PSD2: variants seen among roughly 807,000 people sequenced by gnomAD.
PSD2 encodes the protein pleckstrin and Sec7 domain containing 2.
A neutral mutation model predicts 69.8 loss-of-function variants in PSD2; 38 were observed. That is an observed-to-expected ratio of 0.54 (90% confidence interval 0.42 to 0.71). The LOEUF (loss-of-function observed/expected upper bound fraction) is 0.71. Among genes scored for constraint, PSD2 ranks in the 30% least tolerant of loss-of-function variants. The pLI is 0.00. For synonymous variants in PSD2, 412 were observed against 423.0 expected (o/e 0.97, Z 0.32); for missense variants, 943 against 1,014.5 (o/e 0.93, Z 0.96).
chr5:139,806,866 C>A (rs1759821674), intron 1 of PSD2, among the ~76,000 whole-genome samples: 2 of 152,204 alleles, frequency 1.3e-5, no homozygotes, highest in African/African-American at 4.8e-5. Context: ...ACTCTGGGCC[C>A]CCCGCCCAGA....
At chr5:139,838,139 G>A (rs942656691) in intron 12 of PSD2, among the ~76,000 whole-genome samples, 9 of 152,360 alleles carry the variant, frequency 5.9e-5, no homozygotes, top group Admixed American at 5.2e-4. Flanking sequence ...GCACCCTCCA[G>A]GTAACCTGTA....
chr5:139,816,625 T>C (rs2126943306), intron 4 of PSD2, among the ~76,000 whole-genome samples: 1 of 152,388 alleles, frequency 6.6e-6, no homozygotes, highest in South Asian at 2.1e-4. Flanking sequence ...AAATTTGTTC[T>C]AGTTTTTGAC....
chr5:139,783,738 G>A, the PSD2 span, among the ~76,000 whole-genome samples: 1 of 152,054 alleles, frequency 6.6e-6, no homozygotes, highest in African/African-American at 2.4e-5. Context: ...TGGCCTCCAT[G>A]CTGCTAAAGC....
At chr5:139,831,574 T>C (rs1459978880) in intron 7 of PSD2, among the ~76,000 whole-genome samples, 2 of 152,214 alleles carry the variant, frequency 1.3e-5, no homozygotes, top group African/African-American at 4.8e-5. Context: ...TGGTTGGCAA[T>C]TTGCATTCTT....
At chr5:139,784,921 A>G in the PSD2 span, among the ~76,000 whole-genome samples, 1 of 150,466 alleles carries the variant, frequency 6.6e-6, no homozygotes, top group Non-Finnish European at 1.5e-5. Context: ...CGCCTGGCTA[A>G]TTTTTTTTTG....
chr5:139,810,772 G>C (rs980372564), intron 2 of PSD2, among the ~76,000 whole-genome samples: 1 of 152,210 alleles, frequency 6.6e-6, no homozygotes, highest in Admixed American at 6.5e-5. Flanking sequence ...GCAGGGCCTA[G>C]GGCAGCCCCA....
chr5:139,745,424 A>G, the PSD2 span, among the ~76,000 whole-genome samples: 1 of 152,240 alleles, frequency 6.6e-6, no homozygotes, highest in Non-Finnish European at 1.5e-5. Context: ...CCAAGTCCTG[A>G]GTCATCTATG....
the PSD2 span, among the ~76,000 whole-genome samples, chr5:139,754,606 A>T: frequency 6.6e-6 from 1 of 152,130 alleles, no homozygotes; most frequent in Admixed American, 6.5e-5. Flanking sequence ...CTGAGGTGGG[A>T]GGATTGCTTG....
intron 4 of PSD2, among the ~76,000 whole-genome samples, chr5:139,817,118 C>A (rs535168589): frequency 1.3e-5 from 2 of 152,238 alleles, no homozygotes; most frequent in Non-Finnish European, 2.9e-5. Context: ...CCCCTGGTCC[C>A]GGCCTCATCA....
intron 1 of PSD2, among the ~76,000 whole-genome samples, chr5:139,805,706 T>C (rs912797667): frequency 2.8e-4 from 43 of 151,112 alleles, no homozygotes; most frequent in Non-Finnish European, 1.3e-4. Context: ...GAAAGAGCAT[T>C]CTAGGCCACG....
intron 6 of PSD2, among the ~76,000 whole-genome samples, 170 bp from the exon 7 acceptor site, chr5:139,822,556 C>T (rs1392683531): frequency 6.6e-6 from 1 of 152,192 alleles, no homozygotes; most frequent in East Asian, 1.9e-4. Flanking sequence ...GACTTGGGTC[C>T]TGCAGTTGGG....
At chr5:139,812,440 G>T (rs568753089) in intron 2 of PSD2, among the ~76,000 whole-genome samples, 2 of 152,300 alleles carry the variant, frequency 1.3e-5, no homozygotes, top group African/African-American at 4.8e-5. Flanking sequence ...TGGGGCCATG[G>T]GGCTGACAAG....
At chr5:139,761,894 T>C in the PSD2 span, among the ~76,000 whole-genome samples, 2 of 152,190 alleles carry the variant, frequency 1.3e-5, no homozygotes, top group East Asian at 1.9e-4. Context: ...GGCAGGGCTC[T>C]GGAAGGCAGC....
the PSD2 span, among the ~76,000 whole-genome samples, chr5:139,790,694 T>C: frequency 6.6e-6 from 1 of 152,154 alleles, no homozygotes; most frequent in African/African-American, 2.4e-5. Context: ...GATTTAGCAT[T>C]GTGGCAGTCA....
chr5:139,832,566 C>A (rs140715779), intron 7 of PSD2, among the ~76,000 whole-genome samples: 62 of 152,312 alleles, frequency 4.1e-4, no homozygotes, highest in African/African-American at 1.4e-3. Flanking sequence ...TTGGAGACAC[C>A]AGCACAAATC....
At chr5:139,792,859 TTTCCTTCCTTCCTTCCTTCCTTCCTTCC>T (rs141834556), upstream of PSD2, among the ~76,000 whole-genome samples, 22 of 107,892 alleles carry the variant, frequency 2.0e-4, no homozygotes, top group Middle Eastern at 4.4e-3. Flanking sequence ...TCTTTCTGTC[TTTCCTTCCTTCCTTCCTTCCTTCCTTCC>T]TTCCTTCCTT....
the PSD2 span, among the ~76,000 whole-genome samples, chr5:139,747,371 C>T: frequency 1.3e-5 from 2 of 152,186 alleles, no homozygotes; most frequent in Non-Finnish European, 2.9e-5. This position sits in a 1 kb window ranked among gnomAD's most constrained non-coding sequence, Gnocchi z 6.7. Context: ...GCCTCCCCCC[C>T]AGCTGTTAAC....
At position 139,814,230 on chromosome 5, in the gene PSD2, G is replaced by T. The variant is rs752652670; in HGVS notation, c.882G>T (p.Gly294=). The stretch of plus-strand genomic sequence containing the variant: ...ACTCTGAGCTCAGCAGCTCGGAGGG[G>T]TTGGAGCCTGGTAGTGCAGACCCTC... ...DSDSELSSSE[G]LEPGSADPLA... Residue 294 remains glycine (G), a synonymous_variant, in exon 4 of 15, where the codon GGG becomes GGT. Transcript: ENST00000274710. The surrounding 1 kb of genome is among the most constrained non-coding windows in gnomAD (Gnocchi z 4.4). 1 of 1,613,920 alleles carries T rather than the reference G, an allele frequency of 6.2e-7. No individual in the cohort carries two copies. Among genetic ancestry groups the T allele is most frequent in the East Asian group, 2.2e-5 (1 of 44,862 alleles).
intron 7 of PSD2, among the ~76,000 whole-genome samples, chr5:139,830,707 A>G (rs894835468): frequency 1.8e-5 from 2 of 111,332 alleles, no homozygotes; most frequent in African/African-American, 6.9e-5. Context: ...TTTTTTAGAG[A>G]CAAGGTCTCC....
Sources: allele counts gnomAD v4.1 joint callset (sites outside exome capture counted in the v4.1 genomes callset), GRCh38; gene constraint gnomAD v4.1.1; non-coding constraint Gnocchi (gnomAD v3.1); transcripts MANE v1.5; gene names NCBI Gene and HGNC (gene_info 2026-07-23, HGNC 2026-07-21).